Variants in LMLN observed in about 807,000 individuals in gnomAD.
LMLN encodes the protein leishmanolysin-like peptidase.
LMLN carries 70 observed loss-of-function variants against 92.3 expected under a neutral mutation model. The ratio of observed to expected loss-of-function variants is 0.76; its 90% confidence interval spans 0.63 to 0.92. The LOEUF is 0.92. Ranked by LOEUF, LMLN falls within the 40% of genes least tolerant of loss-of-function variation. The pLI is 0.00. For synonymous variants in LMLN, 308 were observed against 296.2 expected (o/e 1.04, Z -0.41); for missense variants, 691 against 814.6 (o/e 0.85, Z 1.85).
At chr3:197,985,119 T>C (rs761168427) in intron 7 of LMLN, among the ~76,000 whole-genome samples, 6 of 152,232 alleles carry the variant, frequency 3.9e-5, no homozygotes, top group Admixed American at 1.3e-4. Context: ...TACGAATGTT[T>C]ATCTTCCCAG....
intron 11 of LMLN, among the ~76,000 whole-genome samples, chr3:198,015,436 T>C (rs13090906): frequency 1.1e-3 from 90 of 80,996 alleles, no homozygotes; most frequent in South Asian, 1.9e-3. Flanking sequence ...CCCTTCAGAG[T>C]CCCCTAACTA....
chr3:197,966,574 G>T (rs555399599), intron 1 of LMLN, among the ~76,000 whole-genome samples: 1 of 150,730 alleles, frequency 6.6e-6, no homozygotes, highest in Non-Finnish European at 1.5e-5. Flanking sequence ...ATGGATGGAT[G>T]TTGAATTTTG....
intron 14 of LMLN, among the ~76,000 whole-genome samples, 181 bp from the exon 16 acceptor site, chr3:198,035,652 G>A (rs1247672133): frequency 3.9e-5 from 6 of 152,000 alleles, no homozygotes; most frequent in African/African-American, 9.7e-5. Context: ...GAGCCACCGC[G>A]CCCGGCCAAC....
intron 9 of LMLN, among the ~76,000 whole-genome samples, chr3:197,992,802 C>T (rs1193671839): frequency 6.6e-6 from 1 of 151,930 alleles, no homozygotes. Context: ...CAGCAATACT[C>T]TAATAACAAA....
Position 197,974,363 on chromosome 3 carries a change from G to A in LMLN, c.220-14G>A, listed in dbSNP as rs371898466. ...TATGTCTTAAACAGTTTTCAAATCC[G>A]TTCCTTTTTTCAGGTCATAAATAAA... On this transcript the variant is annotated splice_polypyrimidine_tract_variant and intron_variant, in intron 1 of 15. Transcript: ENST00000330198. 17 of 1,413,416 alleles carry A rather than the reference G, an allele frequency of 1.2e-5. No homozygotes were observed. Among genetic ancestry groups the A allele is most frequent in the Non-Finnish European group, 1.7e-5 (17 of 1,009,474 alleles). 87.6% of individuals were successfully genotyped at this position (1,413,416 alleles called of 1,614,324 possible). A position where few individuals can be genotyped will look rare whatever the true frequency, so the allele number is the denominator to read the frequency against.
intron 1 of LMLN, among the ~76,000 whole-genome samples, chr3:197,970,988 G>A (rs1414306124): frequency 2.0e-5 from 3 of 152,190 alleles, no homozygotes; most frequent in African/African-American, 7.2e-5. Flanking sequence ...TATGTGAAAT[G>A]TCTTTATTTC....
intron 15 of LMLN, among the ~76,000 whole-genome samples, chr3:198,037,853 C>T (rs550564741): frequency 1.8e-4 from 27 of 152,300 alleles, no homozygotes; most frequent in Middle Eastern, 3.4e-3. Flanking sequence ...AAAATCAAGT[C>T]TGATTGATTG....
chr3:198,024,608 T>G (rs1305337161), intron 13 of LMLN, 50 bp from the exon 15 acceptor site: 2 of 1,484,894 alleles, frequency 1.3e-6, no homozygotes, highest in Middle Eastern at 1.8e-4. Flanking sequence ...AGTTTCTTGT[T>G]CTTTGAGCCA....
chr3:197,990,645 CTG>C lies in LMLN; in HGVS notation c.1020_1021del (p.Tyr341SerfsTer9), dbSNP rs1377738771. 1.3e-6 allele frequency: 2 copies of C among 1,592,116 alleles called. No homozygotes were observed. The highest frequency in any genetic ancestry group is 1.3e-5 in the African/African-American group (1 of 74,466). Reference sequence around the variant, plus strand: ...CGAGATAATAAGATAGTTCGTCACACTGTGTATCTCCTGGTAACGCCTCGTGT... The same window carrying C: ...CGAGATAATAAGATAGTTCGTCACACTGTATCTCCTGGTAACGCCTCGTGT... On this transcript the variant is annotated frameshift_variant, in exon 9 of 16. Transcript: ENST00000330198. LOFTEE classifies it high-confidence loss of function.
At position 198,025,740 on chromosome 3, in the gene LMLN, G is replaced by C. The variant is rs1378206131; in HGVS notation, c.1656+952G>C. On this transcript the variant is annotated intron_variant, in intron 14 of 15. Coordinates refer to ENST00000330198, the Ensembl canonical transcript of LMLN. This position sits in a 1 kb window ranked among gnomAD's most constrained non-coding sequence, Gnocchi z 4.3. Reference sequence around the variant, plus strand: ...CATCACCTTATTAAGGACTTATAAAGATGTAGCCATTCTGTGACTTAGGAG... The same window carrying C: ...CATCACCTTATTAAGGACTTATAAACATGTAGCCATTCTGTGACTTAGGAG... Among the ~76,000 whole-genome samples the C allele has an allele frequency of 6.6e-6, 1 of 152,170 alleles. No individual in the cohort carries two copies. The highest frequency in any genetic ancestry group is 2.4e-5 in the African/African-American group (1 of 41,440).
exon 8 of LMLN, chr3:197,985,830 A>G: frequency 6.2e-7 from 1 of 1,613,830 alleles, no homozygotes; most frequent in Non-Finnish European, 8.5e-7. Flanking sequence ...TTCTACCATG[A>G]TAAAGATGGA....
In LMLN at chr3:198,019,193, T is replaced by A; in HGVS notation, c.1233-60T>A. 1 of 1,506,912 alleles carries A rather than the reference T, an allele frequency of 6.6e-7. No individual in the cohort carries two copies. The highest frequency in any genetic ancestry group is 9.0e-7 in the Non-Finnish European group (1 of 1,111,882). 93.3% of individuals were successfully genotyped at this position (1,506,912 alleles called of 1,614,324 possible). A position where few individuals can be genotyped will look rare whatever the true frequency, so the allele number is the denominator to read the frequency against. On this transcript the variant is annotated intron_variant, in intron 11 of 15. Transcript: ENST00000330198. The surrounding 1 kb of genome is among the most constrained non-coding windows in gnomAD (Gnocchi z 5.5). ...TCTGGAATTCCATTTGTTGGCTGTA[T>A]AATGGACTTGCAGTATTTTCTTTAA...
chr3:198,022,033 T>C (rs1722797894), intron 13 of LMLN, among the ~76,000 whole-genome samples: 3 of 152,236 alleles, frequency 2.0e-5, no homozygotes, highest in Non-Finnish European at 4.4e-5. Context: ...GGCGGATAGA[T>C]ACTAAGTGAT....
chr3:197,973,870 AAG>A (rs1479991195), intron 1 of LMLN, among the ~76,000 whole-genome samples: 2 of 152,214 alleles, frequency 1.3e-5, no homozygotes, highest in East Asian at 1.9e-4. Flanking sequence ...TTTGTACATC[AAG>A]AGTTTCCTAA....
chr3:197,991,175 C>G (rs1239848392), intron 9 of LMLN, among the ~76,000 whole-genome samples: 1 of 148,862 alleles, frequency 6.7e-6, no homozygotes, highest in African/African-American at 2.5e-5. Context: ...GTGTTTTCGG[C>G]TCACTGCAAC....
At chr3:197,973,548 C>T (rs1721289364) in intron 1 of LMLN, among the ~76,000 whole-genome samples, 1 of 152,024 alleles carries the variant, frequency 6.6e-6, no homozygotes, top group Non-Finnish European at 1.5e-5. Flanking sequence ...CCGTGTCTGG[C>T]CTCTGATGGT....
At chr3:198,018,206 C>T (rs1209823221) in intron 11 of LMLN, among the ~76,000 whole-genome samples, 1 of 152,134 alleles carries the variant, frequency 6.6e-6, no homozygotes, top group African/African-American at 2.4e-5. Flanking sequence ...ACAGAAATGA[C>T]TTTCATGGTA....
intron 11 of LMLN, among the ~76,000 whole-genome samples, chr3:198,016,678 C>CT (rs1479977399): frequency 1.3e-5 from 2 of 152,136 alleles, no homozygotes; most frequent in Admixed American, 6.6e-5. Context: ...AGTTGCAACT[C>CT]TGTTTATTCC....
intron 4 of LMLN, chr3:197,976,324 T>A: frequency 2.1e-6 from 1 of 485,446 alleles, no homozygotes; most frequent in Non-Finnish European, 3.7e-6. Context: ...CTACTGAATT[T>A]TTTCTGGGTG....
Sources: gnomAD v4.1 joint callset for allele counts (sites outside exome capture counted in the v4.1 genomes callset) on GRCh38, gnomAD v4.1.1 for gene constraint, Gnocchi (gnomAD v3.1) non-coding constraint, MANE v1.5 for transcripts, NCBI Gene and HGNC (gene_info 2026-07-23, HGNC 2026-07-21) for gene names.